The following CEP83 variants were observed in gnomAD, a reference collection of about 807,000 sequenced individuals.
CEP83 encodes the protein centrosomal protein of 83 kDa.
A neutral mutation model predicts 101.9 loss-of-function variants in CEP83; 70 were observed. That is an observed-to-expected ratio of 0.69 (90% CI 0.57 to 0.84). The LOEUF is 0.84. Among genes scored for constraint, CEP83 ranks in the 40% least tolerant of loss-of-function variants. CEP83 has a pLI of 0.00. For synonymous variants in CEP83, 264 were observed against 267.9 expected (o/e 0.99, Z 0.14); for missense variants, 715 against 787.2 (o/e 0.91, Z 1.10).
intron 1 of CEP83, among the ~76,000 whole-genome samples, chr12:94,445,025 C>CAA (rs957031917): frequency 1.4e-5 from 2 of 141,332 alleles, no homozygotes; most frequent in African/African-American, 5.2e-5. Context: ...CCAGAAGAGC[C>CAA]AAAAAAAAAA....
In CEP83 at chr12:94,375,967, T is replaced by C. The variant is rs370191290; in HGVS notation, c.852A>G (p.Leu284=). The C allele has an allele frequency of 1.3e-5, 21 of 1,570,226 alleles. No individual in the cohort carries two copies. The highest frequency in any genetic ancestry group is 5.4e-5 in the African/African-American group (4 of 73,812). Residue 284 remains leucine (L), a synonymous_variant, in exon 8 of 17, where the codon CTA becomes CTG. Transcript: ENST00000397809. The part of the protein sequence containing the change: ...NLRAERLEKE[L]QSSSEQNTFL... ...AGGTATTTTGTTCACTGCTTGATTG[T>C]AGCTCTTTTTCCAAACGTTCTGCCC...
the CEP83 span, chr12:94,297,346 G>A: frequency 1.4e-5 from 22 of 1,614,046 alleles, 1 homozygote; most frequent in South Asian, 2.1e-4. Context: ...ATTCCAAGAT[G>A]TGCAAGGAAA....
chr12:94,325,177 CT>C (rs199619275), intron 14 of CEP83, among the ~76,000 whole-genome samples: 4,898 of 146,074 alleles, frequency 0.034, 89 homozygotes, highest in East Asian at 0.072. Flanking sequence ...TTTTCTCTCC[CT>C]TTTTTTTTTT....
At chr12:94,432,642 T>A (rs1462526594) in intron 2 of CEP83, among the ~76,000 whole-genome samples, 1 of 152,000 alleles carries the variant, frequency 6.6e-6, no homozygotes, top group Admixed American at 6.6e-5. Context: ...AATACAGATA[T>A]CCAGTTAGAT....
At chr12:94,309,850 C>T in intron 16 of CEP83, 68 bp downstream of exon 16, 2 of 1,019,738 alleles carry the variant, frequency 2.0e-6, no homozygotes, top group Non-Finnish European at 2.8e-6. Flanking sequence ...GTTTTATCAC[C>T]ATATTTAAAC....
intron 11 of CEP83, 145 bp downstream of exon 11, chr12:94,367,646 GATT>G (rs1315806847): frequency 2.3e-6 from 1 of 439,404 alleles, no homozygotes; most frequent in East Asian, 3.5e-5. Context: ...TCTTAATCTT[GATT>G]ATTATAATAT....
intron 1 of CEP83, among the ~76,000 whole-genome samples, chr12:94,441,914 C>CAAAAAAAAAAAAAAAAAAAAAA (rs370968833): frequency 1.6e-5 from 1 of 61,848 alleles, no homozygotes; most frequent in Non-Finnish European, 3.2e-5. Flanking sequence ...GACTCCGTCT[C>CAAAAAAAAAAAAAAAAAAAAAA]AAAAAAAAAA....
intron 14 of CEP83, among the ~76,000 whole-genome samples, chr12:94,313,371 T>C (rs549416697): frequency 6.6e-6 from 1 of 152,070 alleles, no homozygotes; most frequent in East Asian, 1.9e-4. Context: ...GAAGATAGCA[T>C]GTGTTTAAGA....
the CEP83 span, among the ~76,000 whole-genome samples, chr12:94,272,860 T>A: frequency 4.6e-5 from 7 of 152,180 alleles, no homozygotes; most frequent in Non-Finnish European, 1.0e-4. Context: ...CAAGCTGGGG[T>A]GAGGAGGTCA....
At chr12:94,268,794 C>A in the CEP83 span, among the ~76,000 whole-genome samples, 2 of 151,778 alleles carry the variant, frequency 1.3e-5, no homozygotes, top group African/African-American at 2.4e-5. Flanking sequence ...GGGTTTTCGC[C>A]GTGTTGGCTA....
At position 94,389,952 on chromosome 12, in the gene CEP83, C is replaced by A. The variant is rs536049114; in HGVS notation, c.549+10898G>T. 6.6e-5 allele frequency among the ~76,000 whole-genome samples: 10 copies of A among 152,320 alleles called. No individual in the cohort carries two copies. In the East Asian group the frequency reaches 1.9e-3, roughly 29 times the overall value. On this transcript the variant is annotated intron_variant, in intron 6 of 16. Coordinates refer to ENST00000397809, the MANE Select transcript of CEP83 (RefSeq NM_016122.3). ...CATTGCTGAGGCTTGAGTAGGTAAA[C>A]AAAACGGCCAGGAAGCTCGAACTGG...
chr12:94,283,596 A>G, the CEP83 span, among the ~76,000 whole-genome samples: 3 of 152,232 alleles, frequency 2.0e-5, no homozygotes, highest in Non-Finnish European at 4.4e-5. Flanking sequence ...CTGAGCGTTC[A>G]GGGATGAGAG....
At chr12:94,431,939 A>T (rs2065657170) in intron 2 of CEP83, among the ~76,000 whole-genome samples, 2 of 152,252 alleles carry the variant, frequency 1.3e-5, no homozygotes, top group African/African-American at 4.8e-5. Context: ...TGGGGTATTT[A>T]TTCAAAGGAA....
At chr12:94,295,323 T>G in the CEP83 span, among the ~76,000 whole-genome samples, 1 of 152,198 alleles carries the variant, frequency 6.6e-6, no homozygotes, top group Non-Finnish European at 1.5e-5. Context: ...GTAGGACTCC[T>G]TTGGGGAAAC....
chr12:94,300,841 CTG>C, the CEP83 span: 12 of 1,434,072 alleles, frequency 8.4e-6, no homozygotes, highest in Admixed American at 2.0e-5. Context: ...CGTTTACAAA[CTG>C]TGATAAACAG....
At chr12:94,389,469 T>C (rs1410347895) in intron 6 of CEP83, among the ~76,000 whole-genome samples, 4 of 152,214 alleles carry the variant, frequency 2.6e-5, no homozygotes, top group Admixed American at 2.6e-4. Context: ...ATTAACTTTT[T>C]ATATTACTTA....
chr12:94,434,385 C>T (rs1029763170), intron 2 of CEP83, among the ~76,000 whole-genome samples: 1 of 152,088 alleles, frequency 6.6e-6, no homozygotes, highest in Admixed American at 6.5e-5. Context: ...TTATAGGTTA[C>T]AATGACACCT....
intron 8 of CEP83, among the ~76,000 whole-genome samples, chr12:94,371,148 A>C (rs2061285990): frequency 6.6e-6 from 1 of 152,210 alleles, no homozygotes; most frequent in South Asian, 2.1e-4. Flanking sequence ...GAAGATGTGA[A>C]ATCTGTGGAG....
intron 6 of CEP83, among the ~76,000 whole-genome samples, chr12:94,384,848 G>C (rs987127744): frequency 2.6e-5 from 4 of 152,060 alleles, no homozygotes; most frequent in Non-Finnish European, 4.4e-5. Flanking sequence ...TGGCTGCTTT[G>C]AAATGTTTGT....
Sources: allele counts gnomAD v4.1 joint callset (sites outside exome capture counted in the v4.1 genomes callset), GRCh38; gene constraint gnomAD v4.1.1; transcripts MANE v1.5; gene names NCBI Gene and HGNC (gene_info 2026-07-23, HGNC 2026-07-21).